The following ARHGEF11 variants were observed in gnomAD, a reference collection of about 807,000 sequenced individuals.
ARHGEF11 encodes the protein Rho guanine nucleotide exchange factor 11, also known as Rho guanine exchange factor (GEF) 11.
A neutral mutation model predicts 193.7 loss-of-function variants in ARHGEF11; 55 were observed. That is an observed-to-expected ratio of 0.28 (90% CI 0.23 to 0.36). The LOEUF (loss-of-function observed/expected upper bound fraction) is 0.36. ARHGEF11 is among the 10% of genes least tolerant of loss of function. The probability of loss-of-function intolerance (pLI) is 1.00; values close to 1 mark genes in which losing one functional copy is unlikely to be tolerated. For synonymous variants in ARHGEF11, 693 were observed against 768.0 expected, an observed-to-expected ratio of 0.90 and a Z score of 1.62; for missense variants, 1,723 against 2,005.6, an observed-to-expected ratio of 0.86 and a Z score of 2.69.
At chr1:156,958,314 T>C (rs1242525519) in intron 17 of ARHGEF11, among the ~76,000 whole-genome samples, 1 of 152,230 alleles carries the variant, frequency 6.6e-6, no homozygotes, top group Non-Finnish European at 1.5e-5. Flanking sequence ...AGTTTTCTGA[T>C]GTGGATTAGT....
chr1:156,981,117 C>A (rs969970389), intron 3 of ARHGEF11, among the ~76,000 whole-genome samples: 1 of 151,684 alleles, frequency 6.6e-6, no homozygotes, highest in Non-Finnish European at 1.5e-5. Context: ...CAGACTGGAT[C>A]TTCTGGGTTC....
At chr1:156,979,654 G>C (rs980240620) in intron 4 of ARHGEF11, among the ~76,000 whole-genome samples, 1 of 152,148 alleles carries the variant, frequency 6.6e-6, no homozygotes, top group Non-Finnish European at 1.5e-5. Flanking sequence ...GTGAGCCACT[G>C]CGCCTGGCCC....
At position 157,044,745 on chromosome 1, in the gene ARHGEF11, T is replaced by A; in HGVS notation, c.-415A>T. 1 of 389,532 alleles carries A rather than the reference T, an allele frequency of 2.6e-6. No individual in the cohort carries two copies. The highest frequency in any genetic ancestry group is 4.5e-6 in the Non-Finnish European group (1 of 221,268). 24.1% of individuals were successfully genotyped at this position (389,532 alleles called of 1,614,324 possible). A position where few individuals can be genotyped will look rare whatever the true frequency, so the allele number is the denominator to read the frequency against. ...AGTACAGATAAAACCATCCTTTAAA[T>A]CCAGCTTTCTCAGCTGTCCTTCTGT... On this transcript the variant is annotated 5_prime_UTR_variant, in exon 1 of 41. Transcript: ENST00000368194.
chr1:156,989,100 G>A (rs1228596375), intron 1 of ARHGEF11, among the ~76,000 whole-genome samples: 1 of 152,050 alleles, frequency 6.6e-6, no homozygotes, highest in Non-Finnish European at 1.5e-5. Context: ...TTTGGCAGCA[G>A]AGCTCAGATT....
At chr1:157,033,767 A>G (rs1308360898) in intron 1 of ARHGEF11, among the ~76,000 whole-genome samples, 1 of 152,182 alleles carries the variant, frequency 6.6e-6, no homozygotes, top group African/African-American at 2.4e-5. Flanking sequence ...AGGCTTCTGT[A>G]CCTGCTGTTC....
chr1:156,984,495 T>G, intron 2 of ARHGEF11, 58 bp from the exon 3 acceptor site: 1 of 1,322,372 alleles, frequency 7.6e-7, no homozygotes, highest in Non-Finnish European at 1.1e-6. Context: ...AGTGTACACA[T>G]GCCAAGACCA....
At position 156,959,936 on chromosome 1, in the gene ARHGEF11, C is replaced by G. The variant is rs1330034335; in HGVS notation, c.1282+482G>C. ...AAAAACAAAAATAACCCCCCCTCCC[C>G]CCCCCCCAAAAAAAACAATAAGAAA... On this transcript the variant is annotated intron_variant, in intron 15 of 40. Transcript: ENST00000368194. Among the ~76,000 whole-genome samples, 177 of 106,770 alleles carry G rather than the reference C, an allele frequency of 1.7e-3. 15 individuals are homozygous for G. The East Asian group carries it at 0.054, about 33-fold the overall frequency. The allele number at this position is 106,770 out of a possible 152,430, so 70.0% of individuals were successfully genotyped here.
In ARHGEF11 at chr1:156,960,269, T is replaced by C. The variant is rs530728004; in HGVS notation, c.1282+149A>G. On this transcript the variant is annotated intron_variant, in intron 15 of 40. Transcript: ENST00000368194. ...GTCCGTAAGCTACTGTGCAGTGTTCTGGAGCAATCATCCCATGGGTCTTTT... is the reference window on the plus strand; with the variant it reads ...GTCCGTAAGCTACTGTGCAGTGTTCCGGAGCAATCATCCCATGGGTCTTTT... 5.5e-6 allele frequency: 4 copies of C among 725,348 alleles called. No homozygotes were observed. The East Asian group carries it at 1.0e-4, about 19-fold the overall frequency. 44.9% of individuals were successfully genotyped at this position (725,348 alleles called of 1,614,324 possible).
At chr1:157,018,537 T>C (rs951383329) in intron 1 of ARHGEF11, among the ~76,000 whole-genome samples, 1 of 151,096 alleles carries the variant, frequency 6.6e-6, no homozygotes, top group African/African-American at 2.4e-5. Context: ...CCCAGTTACT[T>C]GGGAGGCTGA....
intron 22 of ARHGEF11, among the ~76,000 whole-genome samples, chr1:156,949,614 T>C (rs548050529): frequency 3.3e-5 from 5 of 152,282 alleles, no homozygotes; most frequent in South Asian, 4.1e-4. Flanking sequence ...TGATCCCTTA[T>C]TGAATTCACC....
intron 6 of ARHGEF11, 68 bp from the exon 7 acceptor site, chr1:156,977,122 G>A: frequency 5.1e-6 from 7 of 1,371,812 alleles, no homozygotes; most frequent in Non-Finnish European, 6.2e-6. Context: ...TCTTCTATCT[G>A]CTGGTTCCTG....
At chr1:157,008,406 G>GCACGCACA (rs1668137342) in intron 1 of ARHGEF11, among the ~76,000 whole-genome samples, 1 of 149,120 alleles carries the variant, frequency 6.7e-6, no homozygotes, top group Non-Finnish European at 1.5e-5. Context: ...TTGCACGCAC[G>GCACGCACA]CACACACACA....
At chr1:156,997,458 C>T (rs1195455510) in intron 1 of ARHGEF11, among the ~76,000 whole-genome samples, 4 of 152,166 alleles carry the variant, frequency 2.6e-5, no homozygotes, top group African/African-American at 4.8e-5. Context: ...ATAAGTCTGA[C>T]TGCAGTGACT....
intron 36 of ARHGEF11, 72 bp downstream of exon 36, chr1:156,940,135 A>G: frequency 4.7e-6 from 7 of 1,488,514 alleles, no homozygotes; most frequent in Non-Finnish European, 6.3e-6. Flanking sequence ...TGGAGGGTGC[A>G]GGCGCCTGCC....
At position 156,948,556 on chromosome 1, in the gene ARHGEF11, T is replaced by C. The variant is rs6684725; in HGVS notation, c.1926-58A>G. ...GGGAAGTCAGTGGGCCATGCTTACA[T>C]CCTGGCTAACTCTTACCTGTGGCTC... On this transcript the variant is annotated intron_variant, in intron 22 of 40. Transcript: ENST00000368194. This position sits in a 1 kb window ranked among gnomAD's most constrained non-coding sequence, Gnocchi z 4.2. The C allele has an allele frequency of 0.018, 29,461 of 1,613,620 alleles. 3,201 individuals carry two copies. The African/African-American group carries it at 0.29, about 16-fold the overall frequency.
chr1:157,044,299 C>T lies in ARHGEF11; in HGVS notation c.32G>A (p.Arg11Lys), dbSNP rs1451733386. The change falls in exon 1 of 41, where the codon AGG becomes AAG. Residue 11 changes from arginine to lysine, a missense_variant and splice_region_variant. Physicochemically the swap from Arg to Lys is conservative, Grantham distance 26. Coordinates refer to ENST00000368194, the MANE Select transcript of ARHGEF11 (RefSeq NM_198236.3). MSVRLPQSID[R>K]LSSLSSLGDS... ...AAAATCAAATTATTAGCAAACCTAC[C>T]TGTCTATACTCTGGGGTAACCTTAC... 2.5e-6 allele frequency: 4 copies of T among 1,613,306 alleles called. No homozygotes were observed. The highest frequency in any genetic ancestry group is 1.1e-5 in the South Asian group (1 of 91,004).
intron 11 of ARHGEF11, among the ~76,000 whole-genome samples, chr1:156,967,157 G>A (rs1238976767): frequency 6.6e-6 from 1 of 152,194 alleles, no homozygotes; most frequent in African/African-American, 2.4e-5. Flanking sequence ...TACATTTACA[G>A]TGTATCATGA....
chr1:156,977,730 C>T (rs1218716904), intron 6 of ARHGEF11, among the ~76,000 whole-genome samples: 3 of 152,092 alleles, frequency 2.0e-5, no homozygotes, highest in Non-Finnish European at 4.4e-5. Flanking sequence ...TGTTTTTGTC[C>T]TTTTCTGGTC....
chr1:156,972,789 C>T (rs1662678683), intron 7 of ARHGEF11, among the ~76,000 whole-genome samples: 1 of 152,098 alleles, frequency 6.6e-6, no homozygotes, highest in African/African-American at 2.4e-5. Flanking sequence ...TCATCTTTTT[C>T]TCCTGGCTCA....
Sources: gnomAD v4.1 joint callset for allele counts (sites outside exome capture counted in the v4.1 genomes callset) on GRCh38, gnomAD v4.1.1 for gene constraint, Gnocchi (gnomAD v3.1) non-coding constraint, MANE v1.5 for transcripts, NCBI Gene and HGNC (gene_info 2026-07-23, HGNC 2026-07-21) for gene names.